Variants in ELP4 observed in about 807,000 individuals in gnomAD.
The protein encoded by ELP4 is elongator acetyltransferase complex subunit 4.
Under a neutral mutation model 48.9 loss-of-function variants are expected in ELP4, and 51 were observed. That is an observed-to-expected ratio of 1.04 (90% CI 0.83 to 1.32). The LOEUF (loss-of-function observed/expected upper bound fraction) is 1.32, where lower values mean the gene tolerates loss of function less well. Among genes scored for constraint, ELP4 ranks in the 40% most tolerant of loss-of-function variants. The pLI, the probability that ELP4 is intolerant of heterozygous loss-of-function variation, is 0.00. For missense variants in ELP4, 519 were observed against 514.6 expected, an observed-to-expected ratio of 1.01 and a Z score of -0.08; for synonymous variants, 210 against 189.2, an observed-to-expected ratio of 1.11 and a Z score of -0.90.
intron 3 of ELP4, among the ~76,000 whole-genome samples, chr11:31,562,543 T>C (rs1348811341): frequency 1.3e-5 from 2 of 152,176 alleles, no homozygotes; most frequent in African/African-American, 4.8e-5. Context: ...GATTGCCAAA[T>C]AACAAGCATC....
intron 9 of ELP4, among the ~76,000 whole-genome samples, chr11:31,754,414 G>T (rs1356822876): frequency 6.6e-6 from 1 of 152,014 alleles, no homozygotes; most frequent in African/African-American, 2.4e-5. Flanking sequence ...GCTGTTGCTT[G>T]CCAACCATGT....
intron 2 of ELP4, among the ~76,000 whole-genome samples, chr11:31,532,690 AAC>A (rs1175219154): frequency 6.6e-6 from 1 of 151,964 alleles, no homozygotes; most frequent in African/African-American, 2.4e-5. Context: ...GTTGTTAAAC[AAC>A]AGTCATGTAT....
At chr11:31,587,068 C>T (rs1957488653) in intron 3 of ELP4, among the ~76,000 whole-genome samples, 1 of 152,218 alleles carries the variant, frequency 6.6e-6, no homozygotes, top group East Asian at 1.9e-4. Flanking sequence ...CTCCCCATTA[C>T]TCTGTATTCT....
intron 9 of ELP4, among the ~76,000 whole-genome samples, chr11:31,753,422 TAAA>T (rs2134242381): frequency 6.6e-6 from 1 of 152,342 alleles, no homozygotes; most frequent in African/African-American, 2.4e-5. Context: ...CAATGCAAAT[TAAA>T]ATAACAACTA....
At chr11:31,675,230 A>T (rs576278413) in intron 9 of ELP4, among the ~76,000 whole-genome samples, 2 of 152,098 alleles carry the variant, frequency 1.3e-5, no homozygotes, top group Non-Finnish European at 2.9e-5. Flanking sequence ...CCCAAGAGTC[A>T]TGAGAGGGAG....
intron 9 of ELP4, among the ~76,000 whole-genome samples, chr11:31,682,308 T>G (rs1270835977): frequency 1.3e-5 from 2 of 152,178 alleles, no homozygotes; most frequent in Non-Finnish European, 2.9e-5. Flanking sequence ...AGGTGCTTGT[T>G]TACGTATTTG....
At chr11:31,532,659 T>C (rs1956413939) in intron 2 of ELP4, among the ~76,000 whole-genome samples, 2 of 152,114 alleles carry the variant, frequency 1.3e-5, no homozygotes, top group South Asian at 4.1e-4. Flanking sequence ...AGTTTAGGTT[T>C]CTTTCTCTCA....
chr11:31,531,660 G>A (rs1420517231), intron 2 of ELP4, among the ~76,000 whole-genome samples: 2 of 152,198 alleles, frequency 1.3e-5, no homozygotes, highest in Non-Finnish European at 2.9e-5. Context: ...AATGTATTGG[G>A]AAAGAAGGCA....
chr11:31,754,978 G>A (rs867271502), intron 9 of ELP4, among the ~76,000 whole-genome samples: 7 of 152,080 alleles, frequency 4.6e-5, no homozygotes, highest in Non-Finnish European at 8.8e-5. Context: ...AAGAAACCAG[G>A]GCTTCAGGAA....
At chr11:31,657,761 G>A (rs1471208300) in intron 9 of ELP4, among the ~76,000 whole-genome samples, 2 of 151,800 alleles carry the variant, frequency 1.3e-5, no homozygotes, top group South Asian at 2.1e-4. Context: ...TACATCTGTG[G>A]TTACAGCCAG....
intron 2 of ELP4, among the ~76,000 whole-genome samples, chr11:31,521,524 GA>G (rs1456148804): frequency 2.0e-5 from 3 of 151,912 alleles, no homozygotes; most frequent in African/African-American, 7.2e-5. Flanking sequence ...AGTAAAATAG[GA>G]ATTACATCCC....
At position 31,666,191 on chromosome 11, in the gene ELP4, TAG is replaced by T. The variant is rs1466328587; in HGVS notation, c.1143+15974_1143+15975del. Among the ~76,000 whole-genome samples, 8 of 151,640 alleles carry T rather than the reference TAG, an allele frequency of 5.3e-5. No homozygotes were observed. The South Asian group carries it at 8.4e-4, about 16-fold the overall frequency. Reference sequence around the variant, plus strand: ...ACCCGACTAGTCTTTGTGTTTTCAGTAGAGACAAGGTTTCACCATGTTATACA... The same window carrying T: ...ACCCGACTAGTCTTTGTGTTTTCAGTAGACAAGGTTTCACCATGTTATACA... On this transcript the variant is annotated intron_variant, in intron 9 of 9. Transcript: ENST00000640961.
At chr11:31,634,571 T>C (rs1338292534) in intron 7 of ELP4, among the ~76,000 whole-genome samples, 1 of 152,032 alleles carries the variant, frequency 6.6e-6, no homozygotes, top group Admixed American at 6.6e-5. Flanking sequence ...CAGTGAATCC[T>C]GTACCCTCTG....
chr11:31,739,526 T>C (rs938439138), intron 9 of ELP4, among the ~76,000 whole-genome samples: 2 of 152,206 alleles, frequency 1.3e-5, no homozygotes, highest in African/African-American at 4.8e-5. Flanking sequence ...TGTGTAAGGT[T>C]ATTAATAGTG....
At chr11:31,709,214 A>G (rs1425709317) in intron 9 of ELP4, among the ~76,000 whole-genome samples, 1 of 152,182 alleles carries the variant, frequency 6.6e-6, no homozygotes, top group Non-Finnish European at 1.5e-5. Flanking sequence ...GTAGGAAAGC[A>G]TATGCATACG....
rs1469212473 is a variant in ELP4, at chr11:31,590,999, C to T, written c.382-3771C>T. On this transcript the variant is annotated intron_variant, in intron 3 of 9. Coordinates refer to ENST00000640961, the MANE Select transcript of ELP4 (RefSeq NM_019040.5). Reference sequence around the variant, plus strand: ...TTAAGATCTTTGGTCCATCAATGGACGCTTCCAGTGTCCAAGGAGAAAATA... The same window carrying T: ...TTAAGATCTTTGGTCCATCAATGGATGCTTCCAGTGTCCAAGGAGAAAATA... 5.3e-5 allele frequency among the ~76,000 whole-genome samples: 8 copies of T among 152,074 alleles called. No individual in the cohort carries two copies. In the East Asian group the frequency reaches 5.8e-4, roughly 11 times the overall value.
At chr11:31,565,794 A>C (rs986050972) in intron 3 of ELP4, among the ~76,000 whole-genome samples, 1 of 152,072 alleles carries the variant, frequency 6.6e-6, no homozygotes, top group Non-Finnish European at 1.5e-5. Flanking sequence ...GTATAGTTTG[A>C]AGTCAGGTAG....
chr11:31,761,296 C>T (rs181210043), intron 9 of ELP4, among the ~76,000 whole-genome samples: 17 of 150,062 alleles, frequency 1.1e-4, no homozygotes, highest in African/African-American at 3.4e-4. Flanking sequence ...CATGATTGCA[C>T]GACTACACTC....
At chr11:31,526,369 A>G (rs186193032) in intron 2 of ELP4, among the ~76,000 whole-genome samples, 3 of 152,084 alleles carry the variant, frequency 2.0e-5, no homozygotes, top group Non-Finnish European at 4.4e-5. Flanking sequence ...ATTGGAGACT[A>G]TCCTGATCTC....
Sources: gnomAD v4.1 joint callset for allele counts (sites outside exome capture counted in the v4.1 genomes callset) on GRCh38, gnomAD v4.1.1 for gene constraint, MANE v1.5 for transcripts, NCBI Gene and HGNC (gene_info 2026-07-23, HGNC 2026-07-21) for gene names.